Variants in COL14A1 observed in about 807,000 individuals in gnomAD.
The protein encoded by COL14A1 is collagen alpha-1(XIV) chain.
Under a neutral mutation model 230.3 loss-of-function variants are expected in COL14A1, and 136 were observed. The ratio of observed to expected loss-of-function variants is 0.59; its 90% CI spans 0.51 to 0.68. COL14A1 has a LOEUF of 0.68. Among genes scored for constraint, COL14A1 ranks in the 30% least tolerant of loss-of-function variants. COL14A1 has a pLI of 0.00. For synonymous variants in COL14A1, 792 were observed against 784.1 expected (o/e 1.01, Z -0.17); for missense variants, 1,976 against 2,215.8 (o/e 0.89, Z 2.17).
In COL14A1 at chr8:120,315,986, C is replaced by A. The variant is rs755647922; in HGVS notation, c.4648C>A (p.Pro1550Thr). 4 of 1,614,046 alleles carry A rather than the reference C, an allele frequency of 2.5e-6. No individual in the cohort carries two copies. In the Admixed American group the frequency reaches 6.7e-5, roughly 27 times the overall value. The change falls in exon 40 of 48, where the codon CCA (proline) becomes ACA (threonine). Residue 1550 changes from proline to threonine, a missense_variant. By Grantham distance (38) the Pro-to-Thr change is conservative (BLOSUM62 -1). Transcript: ENST00000297848. Reference sequence around the variant, plus strand: ...TGGTTCACCAGGACGTGATGGCTCACCAGGCCAGAGGGTAAGGTCTTGCCC... The same window carrying A: ...TGGTTCACCAGGACGTGATGGCTCAACAGGCCAGAGGGTAAGGTCTTGCCC... The part of the protein sequence containing the change: ...GVGSPGRDGS[P>T]GQRGLPGKDG...
At chr8:120,153,989 T>TA (rs1308597083) in intron 2 of COL14A1, among the ~76,000 whole-genome samples, 1 of 152,004 alleles carries the variant, frequency 6.6e-6, no homozygotes, top group East Asian at 1.9e-4. Context: ...TGGTTGGCCC[T>TA]ATGCAGTGGG....
At chr8:120,316,261 G>T (rs1821227088) in intron 40 of COL14A1, among the ~76,000 whole-genome samples, 1 of 152,122 alleles carries the variant, frequency 6.6e-6, no homozygotes, top group Non-Finnish European at 1.5e-5. Context: ...CCTGAATACA[G>T]TTTATTGTGT....
intron 45 of COL14A1, among the ~76,000 whole-genome samples, chr8:120,364,644 A>G (rs1168847191): frequency 6.6e-6 from 1 of 152,172 alleles, no homozygotes; most frequent in Non-Finnish European, 1.5e-5. Flanking sequence ...GCACTTTGGA[A>G]GGTTAAGGTG....
chr8:120,303,729 CTA>C (rs1234338555), intron 36 of COL14A1, among the ~76,000 whole-genome samples: 2 of 152,060 alleles, frequency 1.3e-5, no homozygotes, highest in Non-Finnish European at 2.9e-5. Flanking sequence ...CCAGGTTTTG[CTA>C]TCAGGATGAT....
chr8:120,155,315 A>G (rs1815434600), intron 2 of COL14A1, among the ~76,000 whole-genome samples: 1 of 152,166 alleles, frequency 6.6e-6, no homozygotes. Flanking sequence ...GAGCAATTGA[A>G]TGGAAGCCGA....
At chr8:120,249,093 ATT>A (rs773091250) in intron 21 of COL14A1, among the ~76,000 whole-genome samples, 9 of 127,862 alleles carry the variant, frequency 7.0e-5, no homozygotes, top group Admixed American at 7.9e-5. Context: ...CGCCCGGCTA[ATT>A]TTTTTTTTTT....
At chr8:120,321,698 A>G (rs11988416) in intron 40 of COL14A1, among the ~76,000 whole-genome samples, 13,600 of 151,696 alleles carry the variant, frequency 0.09, 683 homozygotes, top group Middle Eastern at 0.16. Context: ...CAGGCATGGT[A>G]CAAATAGTAA....
chr8:120,287,494 T>C (rs1419236958), intron 33 of COL14A1, among the ~76,000 whole-genome samples: 1 of 152,186 alleles, frequency 6.6e-6, no homozygotes, highest in Non-Finnish European at 1.5e-5. Flanking sequence ...AAAAGAAACA[T>C]TGTCATTTTA....
intron 14 of COL14A1, among the ~76,000 whole-genome samples, chr8:120,224,537 C>A (rs188712721): frequency 4.6e-5 from 7 of 152,254 alleles, no homozygotes; most frequent in Admixed American, 2.6e-4. Context: ...TTTTCTTACA[C>A]CCTTGATCTC....
chr8:120,233,586 A>AT (rs1343295201), intron 19 of COL14A1, among the ~76,000 whole-genome samples: 3 of 151,832 alleles, frequency 2.0e-5, no homozygotes, highest in Non-Finnish European at 2.9e-5. Context: ...TCCCCTCCCC[A>AT]TTGCTTGTTT....
In COL14A1 at chr8:120,295,112, G is replaced by A. The variant is rs112297829; in HGVS notation, c.4237-2399G>A. Among the ~76,000 whole-genome samples, 567 of 151,900 alleles carry A rather than the reference G, an allele frequency of 3.7e-3. 3 individuals are homozygous for A. The highest frequency in any genetic ancestry group is 0.013 in the African/African-American group (520 of 41,516). On this transcript the variant is annotated intron_variant, in intron 34 of 47. Coordinates refer to ENST00000297848, the MANE Select transcript of COL14A1 (RefSeq NM_021110.4). ...TCTTTCCATTCATGAAAATGTTTTT[G>A]CTCTGAGGGCTCTACTCAGAAATGG...
At chr8:120,195,167 A>T (rs7004406) in intron 5 of COL14A1, among the ~76,000 whole-genome samples, 42,581 of 152,082 alleles carry the variant, frequency 0.28, 6,278 homozygotes, top group African/African-American at 0.36. Flanking sequence ...AAAAGTCAAG[A>T]TCCTTTAAGC....
chr8:120,134,617 CGT>C (rs1164951213), intron 1 of COL14A1, among the ~76,000 whole-genome samples: 1 of 151,926 alleles, frequency 6.6e-6, no homozygotes, highest in Non-Finnish European at 1.5e-5. Context: ...TATTGGGCAA[CGT>C]GTTTTATCAT....
At chr8:120,322,729 GT>G (rs55890516) in intron 40 of COL14A1, among the ~76,000 whole-genome samples, 8,980 of 149,694 alleles carry the variant, frequency 0.06, 895 homozygotes, top group African/African-American at 0.21. Context: ...ACATGTTCTT[GT>G]TTTTTTTTTA....
chr8:120,197,280 A>C (rs1435177047), intron 6 of COL14A1, among the ~76,000 whole-genome samples: 1 of 152,168 alleles, frequency 6.6e-6, no homozygotes, highest in Non-Finnish European at 1.5e-5. Context: ...AAAATGTTGA[A>C]CTAGAAAATT....
At chr8:120,243,607 A>G (rs1563692270) in intron 19 of COL14A1, among the ~76,000 whole-genome samples, 1 of 152,216 alleles carries the variant, frequency 6.6e-6, no homozygotes, top group Non-Finnish European at 1.5e-5. Context: ...TGGATACTTT[A>G]CAAATGCCAA....
intron 19 of COL14A1, among the ~76,000 whole-genome samples, chr8:120,235,017 C>T (rs553977646): frequency 6.6e-5 from 10 of 152,180 alleles, no homozygotes; most frequent in East Asian, 1.9e-4. Flanking sequence ...TTCAGGAATT[C>T]GACTTCTTCC....
intron 1 of COL14A1, among the ~76,000 whole-genome samples, chr8:120,129,627 G>C (rs2130373193): frequency 6.6e-6 from 1 of 152,298 alleles, no homozygotes; most frequent in East Asian, 1.9e-4. Context: ...TAGTTTTTCT[G>C]TAAATTAGAA....
chr8:120,189,905 TC>T (rs1273171260), intron 5 of COL14A1, among the ~76,000 whole-genome samples: 5 of 151,980 alleles, frequency 3.3e-5, no homozygotes, highest in Non-Finnish European at 7.4e-5. Flanking sequence ...TTGTGTTGGT[TC>T]CAAGTCTTTG....
Sources: gnomAD v4.1 joint callset for allele counts (sites outside exome capture counted in the v4.1 genomes callset) on GRCh38, gnomAD v4.1.1 for gene constraint, MANE v1.5 for transcripts, NCBI Gene and HGNC (gene_info 2026-07-23, HGNC 2026-07-21) for gene names.